The following PCDH7 variants were observed in gnomAD, a reference collection of about 807,000 sequenced individuals.
The protein encoded by PCDH7 is protocadherin 7.
A neutral mutation model predicts 58.9 loss-of-function variants in PCDH7; 17 were observed. The ratio of observed to expected loss-of-function variants is 0.29; its 90% CI spans 0.20 to 0.43. The LOEUF (loss-of-function observed/expected upper bound fraction) is 0.43. Ranked by LOEUF, PCDH7 falls within the 20% of genes least tolerant of loss-of-function variation. The pLI, the probability that PCDH7 is intolerant of heterozygous loss-of-function variation, is 1.00. For synonymous variants in PCDH7, 664 were observed against 616.4 expected (o/e 1.08, Z -1.14); for missense variants, 1,274 against 1,441.0 (o/e 0.88, Z 1.88).
At chr4:31,119,321 A>G (rs1717367796) in intron 3 of PCDH7, among the ~76,000 whole-genome samples, 1 of 152,146 alleles carries the variant, frequency 6.6e-6, no homozygotes, top group Non-Finnish European at 1.5e-5. Flanking sequence ...GCGCAGATCA[A>G]TCTGTCATAG....
chr4:30,810,415 T>C (rs377025801), intron 1 of PCDH7, among the ~76,000 whole-genome samples: 21 of 125,630 alleles, frequency 1.7e-4, no homozygotes, highest in East Asian at 7.5e-4. Flanking sequence ...CTTAATATAA[T>C]ACATTTCATT....
At chr4:30,805,212 C>T (rs1577874988) in intron 1 of PCDH7, among the ~76,000 whole-genome samples, 1 of 152,206 alleles carries the variant, frequency 6.6e-6, no homozygotes, top group East Asian at 1.9e-4. Context: ...TATCACCATC[C>T]CGGACTTCTC....
At chr4:30,981,087 C>A (rs761113009) in intron 3 of PCDH7, among the ~76,000 whole-genome samples, 1 of 152,186 alleles carries the variant, frequency 6.6e-6, no homozygotes, top group Non-Finnish European at 1.5e-5. Flanking sequence ...TGTGATCCAC[C>A]CGCCTTGGCC....
chr4:30,807,618 T>G (rs745318987), intron 1 of PCDH7, among the ~76,000 whole-genome samples: 1 of 152,174 alleles, frequency 6.6e-6, no homozygotes, highest in Non-Finnish European at 1.5e-5. Flanking sequence ...CACTTAAAAT[T>G]TTAAGGTAAA....
At chr4:30,937,295 T>C (rs1176128763) in intron 2 of PCDH7, among the ~76,000 whole-genome samples, 1 of 152,126 alleles carries the variant, frequency 6.6e-6, no homozygotes, top group African/African-American at 2.4e-5. Flanking sequence ...CTGCTGAATA[T>C]AGGAAAATAT....
At chr4:30,810,342 C>T (rs1333028876) in intron 1 of PCDH7, among the ~76,000 whole-genome samples, 1 of 151,948 alleles carries the variant, frequency 6.6e-6, no homozygotes, top group Non-Finnish European at 1.5e-5. Context: ...ATCTGTAGTT[C>T]ATTTTCATTT....
At chr4:30,822,370 C>T (rs1728481953) in intron 1 of PCDH7, among the ~76,000 whole-genome samples, 1 of 152,190 alleles carries the variant, frequency 6.6e-6, no homozygotes, top group South Asian at 2.1e-4. Context: ...CCACACGCCA[C>T]ATCCAGAGAC....
intron 1 of PCDH7, among the ~76,000 whole-genome samples, chr4:30,744,122 G>A (rs920726668): frequency 1.3e-5 from 2 of 151,800 alleles, no homozygotes; most frequent in African/African-American, 2.4e-5. Context: ...CATTTTTCCC[G>A]CCAAGCTGTT....
intron 3 of PCDH7, among the ~76,000 whole-genome samples, chr4:31,136,451 C>T (rs1719614685): frequency 6.6e-6 from 1 of 152,162 alleles, no homozygotes; most frequent in Non-Finnish European, 1.5e-5. Flanking sequence ...GTTCATTGCT[C>T]TTTGCAGGAA....
intron 3 of PCDH7, among the ~76,000 whole-genome samples, chr4:30,981,709 C>A (rs1750586257): frequency 6.6e-6 from 1 of 152,158 alleles, no homozygotes; most frequent in African/African-American, 2.4e-5. Flanking sequence ...AGTTTTCACT[C>A]TCCTTAACCT....
chr4:31,037,113 C>T (rs1440526405), intron 3 of PCDH7, among the ~76,000 whole-genome samples: 1 of 152,062 alleles, frequency 6.6e-6, no homozygotes, highest in Non-Finnish European at 1.5e-5. Flanking sequence ...TACCTTACTA[C>T]CATCTTTACC....
chr4:31,097,632 ATAT>A (rs1321891946), intron 3 of PCDH7, among the ~76,000 whole-genome samples: 1,796 of 41,934 alleles, frequency 0.043, 201 homozygotes, highest in African/African-American at 0.09. Context: ...ATATATATAT[ATAT>A]ATAAATCTTT....
chr4:31,129,167 C>T (rs1374474481), intron 3 of PCDH7, among the ~76,000 whole-genome samples: 1 of 152,056 alleles, frequency 6.6e-6, no homozygotes, highest in Non-Finnish European at 1.5e-5. Context: ...GCTTACCCTG[C>T]CCATAGAGAG....
chr4:31,130,400 A>G (rs1718830404), intron 3 of PCDH7, among the ~76,000 whole-genome samples: 1 of 152,228 alleles, frequency 6.6e-6, no homozygotes, highest in Non-Finnish European at 1.5e-5. Flanking sequence ...TTAGGTACGC[A>G]TGACTCAATG....
intron 1 of PCDH7, among the ~76,000 whole-genome samples, chr4:30,889,729 G>A (rs1463994072): frequency 6.6e-6 from 1 of 152,082 alleles, no homozygotes; most frequent in Non-Finnish European, 1.5e-5. Context: ...GAGCAAGGCG[G>A]CTCCCTTGTG....
At chr4:30,789,948 G>T (rs886626332) in intron 1 of PCDH7, among the ~76,000 whole-genome samples, 1 of 152,102 alleles carries the variant, frequency 6.6e-6, no homozygotes, top group Non-Finnish European at 1.5e-5. Flanking sequence ...AAGGAAAATG[G>T]CTATCTACAG....
At chr4:30,993,656 GA>G (rs1188373096) in intron 3 of PCDH7, among the ~76,000 whole-genome samples, 3 of 150,322 alleles carry the variant, frequency 2.0e-5, no homozygotes, top group Non-Finnish European at 3.0e-5. Flanking sequence ...CAGTACACAA[GA>G]AAAAAAATGT....
intron 3 of PCDH7, among the ~76,000 whole-genome samples, chr4:31,136,713 G>A (rs901538946): frequency 1.3e-5 from 2 of 152,120 alleles, no homozygotes; most frequent in Non-Finnish European, 2.9e-5. Flanking sequence ...CGCCCTGACC[G>A]TGAACTGTGA....
intron 1 of PCDH7, among the ~76,000 whole-genome samples, chr4:30,880,328 T>C (rs1208032762): frequency 6.6e-6 from 1 of 150,786 alleles, no homozygotes; most frequent in Non-Finnish European, 1.5e-5. Context: ...AGAAAGTCCA[T>C]ATTACAAAGG....
Sources: allele counts gnomAD v4.1 joint callset (sites outside exome capture counted in the v4.1 genomes callset), GRCh38; gene constraint gnomAD v4.1.1; transcripts MANE v1.5; gene names NCBI Gene and HGNC (gene_info 2026-07-23, HGNC 2026-07-21).